Variants in CCDC7 observed in about 807,000 individuals in gnomAD.
CCDC7 encodes coiled-coil domain containing 7.
In CCDC7, 183 loss-of-function variants were observed where a neutral mutation model predicts 196.9. The ratio of observed to expected loss-of-function variants is 0.93; its 90% CI spans 0.82 to 1.05. The LOEUF is 1.05. Among genes scored for constraint, CCDC7 ranks in the 50% least tolerant of loss-of-function variants. CCDC7 has a pLI of 0.00. For synonymous variants in CCDC7, 525 were observed against 484.6 expected (o/e 1.08, Z -1.10); for missense variants, 1,540 against 1,482.2 (o/e 1.04, Z -0.64).
chr10:32,490,228 C>T (rs2041939380), intron 8 of CCDC7, among the ~76,000 whole-genome samples: 1 of 152,122 alleles, frequency 6.6e-6, no homozygotes, highest in Non-Finnish European at 1.5e-5. Context: ...TGAGCCCTAC[C>T]AAGGCCACTT....
At chr10:32,507,285 C>T (rs2045348829) in intron 9 of CCDC7, among the ~76,000 whole-genome samples, 1 of 151,068 alleles carries the variant, frequency 6.6e-6, no homozygotes, top group Non-Finnish European at 1.5e-5. Flanking sequence ...GCCACCGCGC[C>T]TGGCCTGTGT....
intron 29 of CCDC7, among the ~76,000 whole-genome samples, chr10:32,794,011 T>C (rs1401819402): frequency 6.6e-6 from 1 of 152,190 alleles, no homozygotes; most frequent in Non-Finnish European, 1.5e-5. Flanking sequence ...GTTTGTTACA[T>C]GGGTAAATTG....
At chr10:32,444,582 G>A (rs1033172825), upstream of CCDC7, among the ~76,000 whole-genome samples, 1 of 152,106 alleles carries the variant, frequency 6.6e-6, no homozygotes, top group African/African-American at 2.4e-5. Context: ...AACTGAAATT[G>A]GCTTTGTCAA....
chr10:32,715,686 C>T (rs1312055352), intron 25 of CCDC7, among the ~76,000 whole-genome samples: 1 of 152,086 alleles, frequency 6.6e-6, no homozygotes, highest in African/African-American at 2.4e-5. Flanking sequence ...ACTAGAATAA[C>T]CAGTTTAGAG....
intron 13 of CCDC7, among the ~76,000 whole-genome samples, chr10:32,545,905 C>CAAA (rs11326989): frequency 1.1e-4 from 7 of 64,152 alleles, no homozygotes; most frequent in African/African-American, 2.6e-4. Flanking sequence ...AACTCCGTCT[C>CAAA]AAAAAAAAAA....
rs2057007357 is a variant in CCDC7, at chr10:32,567,560, ATGAGT to A, written c.1198-105_1198-101del. ...CTTTGCTCCCTTCAACTCAGTAAAA[ATGAGT>A]TGAGAAATCATGTAGGCGTAAATAT... is the stretch of plus-strand genomic sequence containing the variant. On this transcript the variant is annotated intron_variant, in intron 14 of 41. Coordinates refer to ENST00000639629, the Ensembl canonical transcript of CCDC7. 9 of 1,251,264 alleles carry A rather than the reference ATGAGT, an allele frequency of 7.2e-6. No individual in the cohort carries two copies. The South Asian group carries it at 1.5e-4, about 20-fold the overall frequency. 77.5% of individuals were successfully genotyped at this position (1,251,264 alleles called of 1,614,324 possible).
At chr10:32,546,537 A>G (rs1453565852) in intron 13 of CCDC7, among the ~76,000 whole-genome samples, 2 of 152,228 alleles carry the variant, frequency 1.3e-5, no homozygotes, top group African/African-American at 2.4e-5. Flanking sequence ...GTGTACAAGT[A>G]TGTGCAAGCG....
chr10:32,624,130 TTCC>T (rs1303093772), intron 18 of CCDC7, among the ~76,000 whole-genome samples: 1 of 152,162 alleles, frequency 6.6e-6, no homozygotes, highest in African/African-American at 2.4e-5. Flanking sequence ...CATTCTTTTC[TTCC>T]TTTTATCAAA....
At chr10:32,658,524 C>T (rs889520091) in intron 20 of CCDC7, among the ~76,000 whole-genome samples, 6 of 152,124 alleles carry the variant, frequency 3.9e-5, no homozygotes, top group Admixed American at 2.6e-4. Context: ...CAATTACCTC[C>T]TGCTGGGTCC....
chr10:32,476,879 T>C (rs1042155692), intron 8 of CCDC7, among the ~76,000 whole-genome samples: 3 of 152,244 alleles, frequency 2.0e-5, no homozygotes, highest in Non-Finnish European at 1.5e-5. Context: ...TTCAGGTCTT[T>C]TACCCATTTT....
chr10:32,534,922 A>G (rs1042704462), intron 11 of CCDC7, among the ~76,000 whole-genome samples: 1 of 152,002 alleles, frequency 6.6e-6, no homozygotes, highest in Non-Finnish European at 1.5e-5. Context: ...AAGCAAGTAC[A>G]GGTCTCCTGT....
upstream of CCDC7, among the ~76,000 whole-genome samples, chr10:32,444,860 T>C (rs1176525473): frequency 1.6e-4 from 25 of 151,762 alleles, no homozygotes; most frequent in Non-Finnish European, 7.4e-5. Context: ...GTTTTTTTTT[T>C]TTTTTCTTTT....
intron 9 of CCDC7, among the ~76,000 whole-genome samples, chr10:32,510,010 G>T (rs1292759391): frequency 6.6e-6 from 1 of 152,152 alleles, no homozygotes; most frequent in Non-Finnish European, 1.5e-5. Context: ...ACTACCATAT[G>T]ACCCATAAGT....
At chr10:32,521,321 T>G (rs2047849793) in intron 11 of CCDC7, among the ~76,000 whole-genome samples, 2 of 152,178 alleles carry the variant, frequency 1.3e-5, no homozygotes, top group African/African-American at 4.8e-5. Flanking sequence ...ATGGACATTT[T>G]AACAATATTG....
intron 25 of CCDC7, among the ~76,000 whole-genome samples, chr10:32,716,531 C>G (rs1215125369): frequency 2.6e-5 from 4 of 152,186 alleles, no homozygotes; most frequent in African/African-American, 4.8e-5. Flanking sequence ...ATGACAGGAT[C>G]AAATTCACAC....
At chr10:32,843,036 A>C (rs1457096188) in intron 33 of CCDC7, among the ~76,000 whole-genome samples, 1 of 151,964 alleles carries the variant, frequency 6.6e-6, no homozygotes, top group Non-Finnish European at 1.5e-5. Context: ...ATCACCACTA[A>C]AGAACTTAAT....
chr10:32,516,478 G>T (rs150351892), intron 9 of CCDC7, among the ~76,000 whole-genome samples: 1,643 of 152,116 alleles, frequency 0.011, 26 homozygotes, highest in African/African-American at 0.036. Flanking sequence ...CGTAGAGATG[G>T]GGTTTCACCA....
intron 41 of CCDC7, among the ~76,000 whole-genome samples, chr10:32,866,959 G>A (rs763446935): frequency 5.9e-5 from 9 of 151,532 alleles, no homozygotes; most frequent in African/African-American, 9.7e-5. Flanking sequence ...TACTCCTCCC[G>A]AAGATGTATA....
At chr10:32,540,963 G>A (rs1397714621) in intron 11 of CCDC7, among the ~76,000 whole-genome samples, 3 of 151,708 alleles carry the variant, frequency 2.0e-5, no homozygotes, top group Non-Finnish European at 2.9e-5. Flanking sequence ...AGCAAAATAT[G>A]TTTTCCAGGT....
Sources: allele counts gnomAD v4.1 joint callset (sites outside exome capture counted in the v4.1 genomes callset), GRCh38; gene constraint gnomAD v4.1.1; transcripts MANE v1.5; gene names NCBI Gene and HGNC (gene_info 2026-07-23, HGNC 2026-07-21).